Variants in TTC29 observed in about 807,000 individuals in gnomAD.
TTC29 encodes tetratricopeptide repeat protein 29.
A neutral mutation model predicts 58.1 loss-of-function variants in TTC29; 49 were observed. The observed-to-expected ratio is 0.84, with a 90% CI of 0.67 to 1.07. TTC29 has a LOEUF of 1.07. Among genes scored for constraint, TTC29 ranks in the 50% least tolerant of loss-of-function variants. The pLI, the probability that TTC29 is intolerant of heterozygous loss-of-function variation, is 0.00. For missense variants in TTC29, 582 were observed against 555.6 expected, an observed-to-expected ratio of 1.05 and a Z score of -0.48; for synonymous variants, 209 against 196.8, an observed-to-expected ratio of 1.06 and a Z score of -0.52.
At chr4:146,712,597 T>C (rs1196425583) in intron 11 of TTC29, among the ~76,000 whole-genome samples, 1 of 152,128 alleles carries the variant, frequency 6.6e-6, no homozygotes, top group Non-Finnish European at 1.5e-5. Flanking sequence ...TTCTTGTACT[T>C]GCTTGCCTTT....
intron 11 of TTC29, among the ~76,000 whole-genome samples, chr4:146,773,841 T>A (rs1021180388): frequency 6.6e-6 from 1 of 152,010 alleles, no homozygotes; most frequent in African/African-American, 2.4e-5. Context: ...TTTATATATC[T>A]GGTAGAATTC....
At chr4:146,743,776 C>T (rs1315087598) in intron 11 of TTC29, among the ~76,000 whole-genome samples, 2 of 152,192 alleles carry the variant, frequency 1.3e-5, no homozygotes, top group Admixed American at 1.3e-4. Flanking sequence ...TACATTGTCC[C>T]ATCAAGAGGG....
chr4:146,759,621 A>G (rs1042173423), intron 11 of TTC29, among the ~76,000 whole-genome samples: 3 of 152,066 alleles, frequency 2.0e-5, no homozygotes, highest in Non-Finnish European at 4.4e-5. Context: ...GGATGCAGGG[A>G]TGGTTTAACA....
At chr4:146,834,029 T>A in intron 8 of TTC29, 132 bp from the exon 9 acceptor site, 2 of 565,980 alleles carry the variant, frequency 3.5e-6, no homozygotes, top group East Asian at 6.4e-5. Flanking sequence ...GATTAAAAAT[T>A]CATGTTGGTT....
intron 5 of TTC29, among the ~76,000 whole-genome samples, chr4:146,904,556 C>T (rs17656382): frequency 0.28 from 43,066 of 151,972 alleles, 6,660 homozygotes; most frequent in South Asian, 0.41. Context: ...ATAAGTTGTG[C>T]CTCAGTCCTG....
chr4:146,813,862 T>C (rs547246203), intron 10 of TTC29, among the ~76,000 whole-genome samples: 129 of 152,300 alleles, frequency 8.5e-4, no homozygotes, highest in African/African-American at 3.1e-3. Flanking sequence ...CATGTGCCTG[T>C]AATCCCAGCT....
chr4:146,720,796 T>C (rs1056683781), intron 11 of TTC29, among the ~76,000 whole-genome samples: 1 of 152,106 alleles, frequency 6.6e-6, no homozygotes, highest in Admixed American at 6.6e-5. Flanking sequence ...ACTCTCAGAA[T>C]GATGCAAGTT....
intron 8 of TTC29, among the ~76,000 whole-genome samples, chr4:146,835,523 A>G (rs1324216420): frequency 2.6e-5 from 4 of 152,142 alleles, no homozygotes; most frequent in Non-Finnish European, 5.9e-5. Flanking sequence ...TTTTCTGCCA[A>G]AATAGTTCAT....
chr4:146,908,883 C>T, intron 5 of TTC29, 143 bp downstream of exon 5: 1 of 719,492 alleles, frequency 1.4e-6, no homozygotes, highest in Non-Finnish European at 2.3e-6. Context: ...TCCTTAATTC[C>T]ATAAAGACGT....
intron 10 of TTC29, among the ~76,000 whole-genome samples, chr4:146,815,546 T>C (rs1387799534): frequency 1.3e-5 from 2 of 152,158 alleles, no homozygotes. Flanking sequence ...AATCTGGAAG[T>C]CACTGGCATA....
intron 11 of TTC29, among the ~76,000 whole-genome samples, chr4:146,750,015 C>CT (rs60528980): frequency 0.048 from 7,286 of 151,360 alleles, 599 homozygotes; most frequent in African/African-American, 0.17. Flanking sequence ...ACTATACCTG[C>CT]TTTTTTTTTG....
At chr4:146,936,704 A>C (rs1735852461) in intron 4 of TTC29, among the ~76,000 whole-genome samples, 1 of 152,134 alleles carries the variant, frequency 6.6e-6, no homozygotes, top group African/African-American at 2.4e-5. Flanking sequence ...ATAATATCTG[A>C]TAAAATGGAA....
intron 11 of TTC29, among the ~76,000 whole-genome samples, chr4:146,793,846 C>T (rs1232885382): frequency 1.3e-5 from 2 of 152,090 alleles, no homozygotes; most frequent in East Asian, 3.9e-4. Flanking sequence ...TGCATGATTA[C>T]CTATGCAATT....
At chr4:146,827,457 C>T (rs1332636676) in intron 9 of TTC29, among the ~76,000 whole-genome samples, 2 of 152,170 alleles carry the variant, frequency 1.3e-5, no homozygotes, top group African/African-American at 4.8e-5. Flanking sequence ...CTTGCATAAC[C>T]TCCCAAGGTT....
chr4:146,787,184 C>T (rs1749086661), intron 11 of TTC29, among the ~76,000 whole-genome samples: 1 of 151,978 alleles, frequency 6.6e-6, no homozygotes, highest in Non-Finnish European at 1.5e-5. Context: ...AAAAATTGTT[C>T]AAAATAATAT....
rs1730641287 is a variant in TTC29, at chr4:146,867,531, G to A, written c.852C>T (p.His284=). 1 of 1,554,010 alleles carries A rather than the reference G, an allele frequency of 6.4e-7. No individual in the cohort carries two copies. Among genetic ancestry groups the A allele is most frequent in the African/African-American group, 1.4e-5 (1 of 73,244 alleles). ...CTGTTTCATATTCCTCAGCAGCTAA[G>A]TGTGCTAAGCCCAAGTAGTAAGAGG... is the stretch of plus-strand genomic sequence containing the variant. ...AEASYYLGLA[H]LAAEEYETAL... The change falls in exon 8 of 13, where the codon CAC becomes CAT. Residue 284 remains histidine (H), a synonymous_variant. Coordinates refer to ENST00000325106, the MANE Select transcript of TTC29 (RefSeq NM_031956.4).
intron 8 of TTC29, among the ~76,000 whole-genome samples, chr4:146,858,786 A>G (rs1485859020): frequency 6.6e-6 from 1 of 152,172 alleles, no homozygotes; most frequent in Non-Finnish European, 1.5e-5. Context: ...TAATGTTCAG[A>G]AAGGTTAAGT....
At chr4:146,712,102 T>A (rs897846474) in intron 11 of TTC29, among the ~76,000 whole-genome samples, 3 of 152,112 alleles carry the variant, frequency 2.0e-5, no homozygotes, top group African/African-American at 7.2e-5. Flanking sequence ...TTAATTACAA[T>A]GAGAATATCT....
At chr4:146,921,636 A>G (rs1270847602) in intron 4 of TTC29, among the ~76,000 whole-genome samples, 3 of 151,218 alleles carry the variant, frequency 2.0e-5, no homozygotes, top group African/African-American at 7.3e-5. Flanking sequence ...CAGGTGGGAA[A>G]CAATGCACCT....
Sources: gnomAD v4.1 joint callset for allele counts (sites outside exome capture counted in the v4.1 genomes callset) on GRCh38, gnomAD v4.1.1 for gene constraint, MANE v1.5 for transcripts, NCBI Gene and HGNC (gene_info 2026-07-23, HGNC 2026-07-21) for gene names.